Variants in CD8A observed in about 807,000 individuals in gnomAD.
CD8A encodes CD8 subunit alpha, also known as T-cell surface glycoprotein CD8 alpha chain.
CD8A carries 25 observed loss-of-function variants against 24.2 expected under a neutral mutation model. That is an observed-to-expected ratio of 1.03 (90% CI 0.75 to 1.44). The LOEUF is 1.44. Among genes scored for constraint, CD8A ranks in the 40% most tolerant of loss-of-function variants. The probability of loss-of-function intolerance (pLI) is 0.00; values close to 1 mark genes in which losing one functional copy is unlikely to be tolerated. For missense variants in CD8A, 360 were observed against 319.7 expected (o/e 1.13, Z -0.96); for synonymous variants, 165 against 149.9 (o/e 1.10, Z -0.74).
At position 86,798,695 on chromosome 2, in the gene CD8A, A is replaced by G. The variant is rs575640158; in HGVS notation, c.-271+2816T>C. ...ACGGCACCATGCCCAGCTAATTTTT[A>G]TATTTTTAGTAGAGATGGGGTTTCA... On this transcript the variant is annotated intron_variant, in intron 3 of 8. Coordinates refer to the CD8A transcript ENST00000409511. 3.3e-5 allele frequency among the ~76,000 whole-genome samples: 5 copies of G among 150,886 alleles called. No homozygotes were observed. In the East Asian group the frequency reaches 1.0e-3, roughly 30 times the overall value.
chr2:86,807,534 T>C (rs1482858176), exon 2 of CD8A: 1 of 152,592 alleles, frequency 6.6e-6, no homozygotes, highest in Non-Finnish European at 1.5e-5. Context: ...GTTTGCAGGC[T>C]TCGTCCGGCT....
At chr2:86,807,146 AAAAAT>A (rs1249782812) in intron 2 of CD8A, among the ~76,000 whole-genome samples, 6 of 151,910 alleles carry the variant, frequency 3.9e-5, no homozygotes, top group Admixed American at 1.3e-4. Flanking sequence ...GGTTCTCTCA[AAAAAT>A]AAAATAAAAT....
rs1243900599 is a variant in CD8A at position 86,790,888 on chromosome 2, C to G, written c.-63G>C. On this transcript the variant is annotated 5_prime_UTR_variant, in exon 1 of 6. Transcript: ENST00000283635. ...GGCGCGAGGGGAGGCGCGCGGGAGC[C>G]GGTGGGGCGCCGAGGGGGGAAAGTT... The G allele has an allele frequency of 1.2e-5, 18 of 1,474,330 alleles. No homozygotes were observed. Among genetic ancestry groups the G allele is most frequent in the Non-Finnish European group, 1.5e-5 (16 of 1,090,994 alleles). The allele number at this position is 1,474,330 out of a possible 1,614,324, so 91.3% of individuals were successfully genotyped here. A position where few individuals can be genotyped will look rare whatever the true frequency, so the allele number is the denominator to read the frequency against.
chr2:86,787,239 T>C (rs71378805), intron 5 of CD8A, among the ~76,000 whole-genome samples: 1 of 151,426 alleles, frequency 6.6e-6, no homozygotes, highest in African/African-American at 2.4e-5. Context: ...TGCACCACAA[T>C]ACCCGGCTCA....
At chr2:86,801,244 T>C (rs2104459133) in intron 3 of CD8A, among the ~76,000 whole-genome samples, 1 of 152,314 alleles carries the variant, frequency 6.6e-6, no homozygotes, top group East Asian at 1.9e-4. Context: ...TTAAAATTAA[T>C]TTTTGATGAT....
Position 86,790,867 on chromosome 2 carries a change from C to T in CD8A, c.-42G>A. 2 of 1,530,686 alleles carry T rather than the reference C, an allele frequency of 1.3e-6. No individual in the cohort carries two copies. The highest frequency in any genetic ancestry group is 1.8e-6 in the Non-Finnish European group (2 of 1,141,600). 94.8% of individuals were successfully genotyped at this position (1,530,686 alleles called of 1,614,324 possible). On this transcript the variant is annotated 5_prime_UTR_variant, in exon 1 of 6. Coordinates refer to ENST00000283635, the MANE Select transcript of CD8A (RefSeq NM_001768.7). Reference sequence around the variant, plus strand: ...CGCTGCTTGGCTCGAAGCTCGGGCGCGAGGGGAGGCGCGCGGGAGCCGGTG... The same window carrying T: ...CGCTGCTTGGCTCGAAGCTCGGGCGTGAGGGGAGGCGCGCGGGAGCCGGTG...
At chr2:86,787,432 G>C (rs565253165) in intron 5 of CD8A, among the ~76,000 whole-genome samples, 2 of 152,206 alleles carry the variant, frequency 1.3e-5, no homozygotes, top group South Asian at 4.1e-4. Context: ...CTACTGAAAA[G>C]AACTGGTGTA....
intron 3 of CD8A, among the ~76,000 whole-genome samples, chr2:86,796,920 A>T (rs955455670): frequency 2.0e-5 from 3 of 152,092 alleles, no homozygotes; most frequent in Admixed American, 1.3e-4. Flanking sequence ...ACATGATTAC[A>T]TGTCTTCCCT....
intron 5 of CD8A, among the ~76,000 whole-genome samples, chr2:86,787,177 C>CG (rs1258618433): frequency 6.8e-6 from 1 of 147,128 alleles, no homozygotes; most frequent in African/African-American, 2.5e-5. Context: ...CCGCCTCCCA[C>CG]GTTCAAGCGA....
intron 2 of CD8A, among the ~76,000 whole-genome samples, chr2:86,805,746 TC>T (rs1309306252): frequency 6.6e-6 from 1 of 152,212 alleles, no homozygotes; most frequent in Non-Finnish European, 1.5e-5. Flanking sequence ...GAACCTGATT[TC>T]CTTCCAACCA....
chr2:86,792,805 C>CTTT (rs544347033), upstream of CD8A, among the ~76,000 whole-genome samples: 1 of 134,340 alleles, frequency 7.4e-6, no homozygotes, highest in African/African-American at 2.7e-5. Flanking sequence ...CCTGGATGGG[C>CTTT]TTTTTTTTTT....
At chr2:86,799,585 T>C (rs1010669226) in intron 3 of CD8A, among the ~76,000 whole-genome samples, 16 of 151,026 alleles carry the variant, frequency 1.1e-4, no homozygotes, top group African/African-American at 3.7e-4. Context: ...TGAAACCCCA[T>C]CTCTACCAAA....
chr2:86,787,877 C>T (rs1438330022), intron 5 of CD8A, among the ~76,000 whole-genome samples: 2 of 121,326 alleles, frequency 1.6e-5, no homozygotes, highest in Non-Finnish European at 3.5e-5. Flanking sequence ...AGGTTTTTAA[C>T]AGAGAGGGAG....
At chr2:86,805,528 G>A (rs1401999753) in intron 2 of CD8A, among the ~76,000 whole-genome samples, 1 of 152,126 alleles carries the variant, frequency 6.6e-6, no homozygotes, top group Non-Finnish European at 1.5e-5. Context: ...ATCTCATAGG[G>A]TGTGATGGTA....
At chr2:86,800,226 G>A (rs966134503) in intron 3 of CD8A, among the ~76,000 whole-genome samples, 18 of 152,024 alleles carry the variant, frequency 1.2e-4, no homozygotes, top group East Asian at 3.9e-4. Context: ...CTGGGAGGCC[G>A]CAGTGGGTGG....
chr2:86,801,312 T>G (rs888905523), intron 3 of CD8A, among the ~76,000 whole-genome samples: 4 of 149,010 alleles, frequency 2.7e-5, no homozygotes, highest in Non-Finnish European at 4.5e-5. Context: ...CCTTCCCTCC[T>G]TCCCGCTCTC....
intron 3 of CD8A, among the ~76,000 whole-genome samples, chr2:86,801,027 T>C (rs1370020228): frequency 6.6e-6 from 1 of 152,026 alleles, no homozygotes; most frequent in African/African-American, 2.4e-5. Context: ...ATGCCAAAGA[T>C]TGCCAGCAAC....
chr2:86,795,374 G>C (rs180965698), upstream of CD8A, among the ~76,000 whole-genome samples: 1 of 152,330 alleles, frequency 6.6e-6, no homozygotes, highest in African/African-American at 2.4e-5. Flanking sequence ...TTAGGAGAGA[G>C]GTTGTTTAGA....
chr2:86,802,533 T>C (rs141532329), intron 2 of CD8A, among the ~76,000 whole-genome samples: 130 of 152,334 alleles, frequency 8.5e-4, no homozygotes, highest in African/African-American at 3.1e-3. Context: ...TTGATCAATA[T>C]AAGGTCCTTA....
Sources: gnomAD v4.1 joint callset for allele counts (sites outside exome capture counted in the v4.1 genomes callset) on GRCh38, gnomAD v4.1.1 for gene constraint, MANE v1.5 for transcripts, NCBI Gene and HGNC (gene_info 2026-07-23, HGNC 2026-07-21) for gene names.